Variants in MTA3 observed in about 807,000 individuals in gnomAD.
MTA3 encodes the protein metastasis-associated protein MTA3.
Under a neutral mutation model 83.5 loss-of-function variants are expected in MTA3, and 34 were observed. That is an observed-to-expected ratio of 0.41 (90% CI 0.31 to 0.54). The LOEUF (loss-of-function observed/expected upper bound fraction) is 0.54, where lower values mean the gene tolerates loss of function less well. Ranked by LOEUF, MTA3 falls within the 20% of genes least tolerant of loss-of-function variation. The pLI is 0.33. For missense variants in MTA3, 761 were observed against 726.4 expected (o/e 1.05, Z -0.55); for synonymous variants, 303 against 252.7 (o/e 1.20, Z -1.89).
In MTA3 at chr2:42,586,280, A is replaced by G. The variant is rs1039141505; in HGVS notation, c.190+7080A>G. On this transcript the variant is annotated intron_variant, in intron 3 of 16. Coordinates refer to ENST00000405094, the MANE Select transcript of MTA3 (RefSeq NM_001330442.2). ...CAGGAGTGAAACTCCATCTCAAAAG[A>G]AAAAAAAAAAAAAGAAAATTTAGGC... is the stretch of plus-strand genomic sequence containing the variant. 2.5e-3 allele frequency among the ~76,000 whole-genome samples: 342 copies of G among 134,664 alleles called. 2 individuals are homozygous for G. Among genetic ancestry groups the G allele is most frequent in the African/African-American group, 8.5e-3 (326 of 38,526 alleles). 88.3% of individuals were successfully genotyped at this position (134,664 alleles called of 152,430 possible).
intron 16 of MTA3, among the ~76,000 whole-genome samples, chr2:42,728,929 C>G (rs2104556931): frequency 6.6e-6 from 1 of 152,104 alleles, no homozygotes; most frequent in East Asian, 1.9e-4. Flanking sequence ...TTGACTGTTT[C>G]TTTTGCTGTG....
At chr2:42,736,582 C>G (rs1439270783) in intron 16 of MTA3, among the ~76,000 whole-genome samples, 3 of 152,012 alleles carry the variant, frequency 2.0e-5, no homozygotes, top group Non-Finnish European at 4.4e-5. Flanking sequence ...GGCCTGGAGT[C>G]AGGAACCTTA....
At chr2:42,593,272 A>C (rs1030255679) in intron 3 of MTA3, among the ~76,000 whole-genome samples, 2 of 151,926 alleles carry the variant, frequency 1.3e-5, no homozygotes, top group African/African-American at 4.8e-5. Context: ...GGATCACTTG[A>C]GGTTAGGACA....
intron 2 of MTA3, among the ~76,000 whole-genome samples, chr2:42,549,111 T>C (rs1431187956): frequency 2.2e-5 from 3 of 138,042 alleles, no homozygotes; most frequent in Non-Finnish European, 3.0e-5. Flanking sequence ...AGGCGGAGCT[T>C]GCAGTGAGCC....
chr2:42,619,229 G>A (rs568707215), intron 4 of MTA3, among the ~76,000 whole-genome samples: 80 of 152,328 alleles, frequency 5.3e-4, no homozygotes, highest in African/African-American at 1.5e-3. Context: ...CAGAATGGAA[G>A]TTGAGTAAGC....
intron 7 of MTA3, among the ~76,000 whole-genome samples, chr2:42,658,541 A>T (rs966822688): frequency 2.0e-5 from 3 of 152,178 alleles, no homozygotes; most frequent in African/African-American, 7.2e-5. Flanking sequence ...AATTTTAATC[A>T]AAAGAAGCTG....
Position 42,556,012 on chromosome 2 carries a change from C to G in MTA3, c.-140-14425C>G, listed in dbSNP as rs528372148. 3.3e-5 allele frequency among the ~76,000 whole-genome samples: 5 copies of G among 151,856 alleles called. No individual in the cohort carries two copies. In the East Asian group the frequency reaches 9.7e-4, roughly 29 times the overall value. On this transcript the variant is annotated intron_variant, in intron 2 of 17. Coordinates refer to the MTA3 transcript ENST00000405592. ...GCTAGAACCCAGGAGATGGAAGTTG[C>G]AGTGAGCCGACACAGTGCCGCTGCA...
chr2:42,589,860 C>G (rs1407156380), intron 3 of MTA3, among the ~76,000 whole-genome samples: 5 of 152,170 alleles, frequency 3.3e-5, no homozygotes, highest in Admixed American at 2.6e-4. Flanking sequence ...TCTTTTGTCA[C>G]CAATGGTCCC....
intron 3 of MTA3, among the ~76,000 whole-genome samples, chr2:42,607,909 C>T (rs112869288): frequency 0.016 from 2,487 of 152,286 alleles, 83 homozygotes; most frequent in African/African-American, 0.057. Context: ...CGAGATTGTG[C>T]TACTGCACTC....
chr2:42,573,703 G>A (rs1678733463), intron 2 of MTA3, among the ~76,000 whole-genome samples: 1 of 151,784 alleles, frequency 6.6e-6, no homozygotes, highest in African/African-American at 2.4e-5. Flanking sequence ...TAGAGACAGG[G>A]TTTCACCATG....
chr2:42,525,765 C>T (rs925196652), intron 2 of MTA3, among the ~76,000 whole-genome samples: 5 of 151,796 alleles, frequency 3.3e-5, no homozygotes, highest in Non-Finnish European at 5.9e-5. Flanking sequence ...TCAAATGATC[C>T]TCCCACCTCA....
intron 16 of MTA3, among the ~76,000 whole-genome samples, chr2:42,752,464 C>A (rs572224148): frequency 1.3e-5 from 2 of 152,140 alleles, no homozygotes; most frequent in Non-Finnish European, 2.9e-5. Flanking sequence ...TAATACAACA[C>A]GGTGGTGATG....
intron 3 of MTA3, among the ~76,000 whole-genome samples, chr2:42,581,055 T>C (rs1679563139): frequency 6.6e-6 from 1 of 152,142 alleles, no homozygotes; most frequent in Admixed American, 6.6e-5. Flanking sequence ...GTTAGTTGTC[T>C]CATAAGTTAA....
At chr2:42,750,166 T>G (rs772181377) in intron 16 of MTA3, among the ~76,000 whole-genome samples, 1 of 151,874 alleles carries the variant, frequency 6.6e-6, no homozygotes, top group Non-Finnish European at 1.5e-5. Flanking sequence ...AATTTTTGTA[T>G]TTTTAGTAGA....
intron 2 of MTA3, among the ~76,000 whole-genome samples, chr2:42,561,415 C>T (rs539577965): frequency 6.4e-4 from 97 of 152,046 alleles, no homozygotes; most frequent in East Asian, 1.2e-3. Flanking sequence ...CTCCATCTCC[C>T]GGGTTCAAGC....
intron 6 of MTA3, among the ~76,000 whole-genome samples, chr2:42,651,967 G>A (rs1219146308): frequency 2.0e-5 from 3 of 152,054 alleles, no homozygotes; most frequent in African/African-American, 4.8e-5. Context: ...ATGGTGGTGG[G>A]CACCTGTAAT....
At chr2:42,557,709 G>C (rs1429282183) in intron 2 of MTA3, among the ~76,000 whole-genome samples, 3 of 152,152 alleles carry the variant, frequency 2.0e-5, no homozygotes, top group Admixed American at 2.0e-4. Context: ...AGTTTAGCTT[G>C]AGCTCTCCAA....
intron 3 of MTA3, among the ~76,000 whole-genome samples, chr2:42,602,484 C>G (rs944091323): frequency 6.6e-6 from 1 of 152,198 alleles, no homozygotes; most frequent in Non-Finnish European, 1.5e-5. Flanking sequence ...TTTTGCCACA[C>G]AGATTCCCAA....
intron 9 of MTA3, among the ~76,000 whole-genome samples, chr2:42,682,953 C>T (rs1692057244): frequency 1.3e-5 from 2 of 152,044 alleles, no homozygotes; most frequent in African/African-American, 4.8e-5. Context: ...GTGCCTGTAG[C>T]CCGAGCTACT....
Sources: allele counts gnomAD v4.1 joint callset (sites outside exome capture counted in the v4.1 genomes callset), GRCh38; gene constraint gnomAD v4.1.1; transcripts MANE v1.5; gene names NCBI Gene and HGNC (gene_info 2026-07-23, HGNC 2026-07-21).